Variants in NEGR1 observed in about 807,000 individuals in gnomAD.
NEGR1 encodes the protein IgLON family member 4.
A neutral mutation model predicts 40.9 loss-of-function variants in NEGR1; 10 were observed. That is an observed-to-expected ratio of 0.24 (90% CI 0.15 to 0.42). The LOEUF is 0.42. Ranked by LOEUF, NEGR1 falls within the 10% of genes least tolerant of loss-of-function variation. The pLI, the probability that NEGR1 is intolerant of heterozygous loss-of-function variation, is 1.00. For synonymous variants in NEGR1, 185 were observed against 166.8 expected, an observed-to-expected ratio of 1.11 and a Z score of -0.84; for missense variants, 352 against 438.9, an observed-to-expected ratio of 0.80 and a Z score of 1.77.
intron 3 of NEGR1, among the ~76,000 whole-genome samples, chr1:71,709,798 T>C (rs770816403): frequency 3.5e-4 from 54 of 152,354 alleles, no homozygotes; most frequent in Admixed American, 6.5e-4. Context: ...CTCCAAGGCA[T>C]TGGTCTGGGC....
At chr1:71,560,429 T>TATATATATATATATATATATATA (rs1648410237) in intron 6 of NEGR1, among the ~76,000 whole-genome samples, 3 of 114,266 alleles carry the variant, frequency 2.6e-5, no homozygotes, top group Non-Finnish European at 3.7e-5. Flanking sequence ...TAATTCTCCA[T>TATATATATATATATATATATATA]TATATATATA....
At chr1:71,796,759 G>A (rs1657343545) in intron 2 of NEGR1, among the ~76,000 whole-genome samples, 1 of 152,010 alleles carries the variant, frequency 6.6e-6, no homozygotes, top group Non-Finnish European at 1.5e-5. Flanking sequence ...GAGAGCCAGG[G>A]GTATAGATGT....
At position 71,732,935 on chromosome 1, in the gene NEGR1, G is replaced by T. The variant is rs187989460; in HGVS notation, c.536-34796C>A. ...ATTTTCAAATAAACCTGGGAAGTAT[G>T]AATTAAACAAAAAACAAACCCCACA... is the stretch of plus-strand genomic sequence containing the variant. On this transcript the variant is annotated intron_variant, in intron 3 of 6. Transcript: ENST00000357731. Among the ~76,000 whole-genome samples, 1,136 of 152,220 alleles carry T rather than the reference G, an allele frequency of 7.5e-3. 11 individuals are homozygous for T. Among genetic ancestry groups the T allele is most frequent in the Middle Eastern group, 0.02 (6 of 294 alleles).
chr1:71,734,813 C>T (rs1235593952), intron 3 of NEGR1, among the ~76,000 whole-genome samples: 1 of 152,120 alleles, frequency 6.6e-6, no homozygotes, highest in Non-Finnish European at 1.5e-5. Context: ...GAGTCATTGT[C>T]TTGCCATTGC....
intron 6 of NEGR1, among the ~76,000 whole-genome samples, chr1:71,426,923 T>C (rs1417508967): frequency 6.6e-6 from 1 of 151,928 alleles, no homozygotes; most frequent in African/African-American, 2.4e-5. Context: ...GCTTTGAAAA[T>C]CCCATATCAA....
intron 1 of NEGR1, among the ~76,000 whole-genome samples, chr1:72,164,468 T>C (rs1651699106): frequency 6.6e-6 from 1 of 152,022 alleles, no homozygotes; most frequent in African/African-American, 2.4e-5. Flanking sequence ...CCCCAAATTT[T>C]CACTTTATGC....
chr1:72,065,459 C>A (rs887912577), intron 1 of NEGR1, among the ~76,000 whole-genome samples: 8 of 152,020 alleles, frequency 5.3e-5, no homozygotes, highest in African/African-American at 1.4e-4. Context: ...ACTGTCTGCC[C>A]AAATTTGAAA....
rs564598282 is a variant in NEGR1 at position 71,615,019 on chromosome 1, G to C, written c.668-3873C>G. Among the ~76,000 whole-genome samples the C allele has an allele frequency of 4.0e-3, 614 of 152,248 alleles. 4 individuals carry two copies. Among genetic ancestry groups the C allele is most frequent in the Non-Finnish European group, 6.5e-3 (444 of 68,000 alleles). On this transcript the variant is annotated intron_variant, in intron 4 of 6. Transcript: ENST00000357731. The stretch of plus-strand genomic sequence containing the variant: ...TAAGAAAAAGTCCTAAGAGCATTTT[G>C]CAAGGTATAGAGTTAAAGGTCCAAG...
chr1:71,942,381 T>G (rs1170822046), intron 1 of NEGR1, among the ~76,000 whole-genome samples: 3 of 141,312 alleles, frequency 2.1e-5, no homozygotes, highest in African/African-American at 7.8e-5. Flanking sequence ...CTGTGAAGTT[T>G]AATGTAATCA....
chr1:71,465,398 G>C (rs1036233019), intron 6 of NEGR1, among the ~76,000 whole-genome samples: 1 of 152,108 alleles, frequency 6.6e-6, no homozygotes, highest in Non-Finnish European at 1.5e-5. Context: ...GCAATCTGCA[G>C]ACAACTTGTT....
chr1:71,644,149 GT>G (rs1343591394), intron 4 of NEGR1, among the ~76,000 whole-genome samples: 1 of 151,906 alleles, frequency 6.6e-6, no homozygotes, highest in African/African-American at 2.4e-5. Context: ...TTTGGCCTTT[GT>G]GATCCCCTGA....
chr1:71,862,426 T>G (rs1352449662), intron 2 of NEGR1, among the ~76,000 whole-genome samples: 1 of 152,056 alleles, frequency 6.6e-6, no homozygotes, highest in Non-Finnish European at 1.5e-5. Context: ...ACTCCCTGTT[T>G]CCCTAGACAT....
intron 4 of NEGR1, among the ~76,000 whole-genome samples, chr1:71,690,565 AACAC>A (rs3980432): frequency 0.41 from 48,804 of 118,456 alleles, 10,938 homozygotes; most frequent in South Asian, 0.52. Context: ...TAAGTTATAT[AACAC>A]ACACACACAC....
chr1:71,443,782 A>G (rs1038154376), intron 6 of NEGR1, among the ~76,000 whole-genome samples: 17 of 152,210 alleles, frequency 1.1e-4, no homozygotes, highest in African/African-American at 4.1e-4. Flanking sequence ...TTTCTAATAA[A>G]CATAAGTAAT....
chr1:71,829,132 G>T (rs1658747139), intron 2 of NEGR1, among the ~76,000 whole-genome samples: 1 of 151,886 alleles, frequency 6.6e-6, no homozygotes, highest in African/African-American at 2.4e-5. Flanking sequence ...GAGTTTGCAG[G>T]ATATAGGAGT....
intron 1 of NEGR1, among the ~76,000 whole-genome samples, chr1:72,134,437 C>T (rs1448796292): frequency 6.6e-6 from 1 of 151,874 alleles, no homozygotes; most frequent in East Asian, 2.0e-4. Flanking sequence ...ATCTCCTGAC[C>T]TCATATTCCA....
At position 71,817,868 on chromosome 1, in the gene NEGR1, T is replaced by C. The variant is rs191841504; in HGVS notation, c.410-41571A>G. Among the ~76,000 whole-genome samples the C allele has an allele frequency of 3.0e-4, 46 of 152,194 alleles. 1 individual carries two copies. The East Asian group carries it at 7.4e-3, about 24-fold the overall frequency. ...CAAGTACAGTGGCCACTAGCATGCA[T>C]TGCTATTGTGTTTTTGAAATGCAGC... On this transcript the variant is annotated intron_variant, in intron 2 of 6. Coordinates refer to ENST00000357731, the MANE Select transcript of NEGR1 (RefSeq NM_173808.3).
intron 2 of NEGR1, among the ~76,000 whole-genome samples, chr1:71,852,988 C>T (rs183308542): frequency 8.6e-5 from 13 of 152,026 alleles, no homozygotes; most frequent in African/African-American, 1.9e-4. Context: ...TGTGGTATAA[C>T]GAATTTGGAC....
chr1:71,702,212 C>T (rs566942063), intron 3 of NEGR1, among the ~76,000 whole-genome samples: 1 of 152,066 alleles, frequency 6.6e-6, no homozygotes, highest in Admixed American at 6.5e-5. Flanking sequence ...TCTTTTCTTC[C>T]ATTTATACAT....
Sources: gnomAD v4.1 joint callset for allele counts (sites outside exome capture counted in the v4.1 genomes callset) on GRCh38, gnomAD v4.1.1 for gene constraint, MANE v1.5 for transcripts, NCBI Gene and HGNC (gene_info 2026-07-23, HGNC 2026-07-21) for gene names.